Variants in SH3RF3 observed in about 807,000 individuals in gnomAD.
The protein encoded by SH3RF3 is SH3 domain containing ring finger 3.
In SH3RF3, 29 loss-of-function variants were observed where a neutral mutation model predicts 66.3. The observed-to-expected ratio is 0.44, with a 90% CI of 0.33 to 0.60. The LOEUF (loss-of-function observed/expected upper bound fraction) is 0.60, where lower values mean the gene tolerates loss of function less well. SH3RF3 is among the 20% of genes least tolerant of loss of function. The pLI is 0.04. For synonymous variants in SH3RF3, 583 were observed against 532.0 expected, an observed-to-expected ratio of 1.10 and a Z score of -1.32; for missense variants, 1,194 against 1,190.9, an observed-to-expected ratio of 1.00 and a Z score of -0.04.
chr2:109,172,983 G>A (rs565634828), intron 1 of SH3RF3, among the ~76,000 whole-genome samples: 4 of 152,344 alleles, frequency 2.6e-5, no homozygotes, highest in Admixed American at 1.3e-4. Context: ...ATGACCTTGC[G>A]CTTGTCTTCA....
At chr2:109,276,606 A>AT (rs1163863296) in intron 1 of SH3RF3, among the ~76,000 whole-genome samples, 6 of 152,220 alleles carry the variant, frequency 3.9e-5, no homozygotes, top group African/African-American at 1.4e-4. Flanking sequence ...TGGCATGCTT[A>AT]TTATTGTTTT....
At chr2:109,168,368 G>C (rs752694043) in intron 1 of SH3RF3, among the ~76,000 whole-genome samples, 8 of 152,322 alleles carry the variant, frequency 5.3e-5, no homozygotes, top group Non-Finnish European at 1.2e-4. Context: ...CCAGCTATCA[G>C]GAGTGAGATG....
chr2:109,357,339 G>A (rs751651288), intron 2 of SH3RF3, among the ~76,000 whole-genome samples: 2 of 152,004 alleles, frequency 1.3e-5, no homozygotes, highest in Non-Finnish European at 2.9e-5. Flanking sequence ...CCACCACCAT[G>A]CCCGGATAAT....
intron 1 of SH3RF3, among the ~76,000 whole-genome samples, chr2:109,202,524 G>T (rs988979820): frequency 6.6e-6 from 1 of 152,190 alleles, no homozygotes; most frequent in African/African-American, 2.4e-5. Flanking sequence ...GCTGGTGGGT[G>T]GTCAGCATGG....
At position 109,243,607 on chromosome 2, in the gene SH3RF3, A is replaced by G. The variant is rs868482351; in HGVS notation, c.574-104067A>G. Among the ~76,000 whole-genome samples the G allele has an allele frequency of 5.9e-5, 9 of 152,292 alleles. No individual in the cohort carries two copies. The South Asian group carries it at 1.9e-3, about 32-fold the overall frequency. On this transcript the variant is annotated intron_variant, in intron 1 of 9. Transcript: ENST00000309415. ...GACTTTTATATTTGGTGGCTGGGGA[A>G]CATTTTTAAAGAGATGGTGTCTAAA...
chr2:109,147,560 G>C (rs1677128968), intron 1 of SH3RF3, among the ~76,000 whole-genome samples: 1 of 152,186 alleles, frequency 6.6e-6, no homozygotes, highest in Non-Finnish European at 1.5e-5. Flanking sequence ...ACCGTAAATG[G>C]TCCAAAAAGA....
chr2:109,318,547 G>A (rs1321852581), intron 1 of SH3RF3, among the ~76,000 whole-genome samples: 1 of 152,236 alleles, frequency 6.6e-6, no homozygotes, highest in Non-Finnish European at 1.5e-5. Flanking sequence ...ACTGTGGTTT[G>A]TCCTTGCGGG....
chr2:109,236,682 A>G (rs542377159), intron 1 of SH3RF3, among the ~76,000 whole-genome samples: 1 of 152,328 alleles, frequency 6.6e-6, no homozygotes, highest in South Asian at 2.1e-4. Flanking sequence ...GTCAAGGTCG[A>G]AGAAAGGAAA....
intron 8 of SH3RF3, among the ~76,000 whole-genome samples, chr2:109,477,846 G>A (rs1678729018): frequency 6.6e-6 from 1 of 152,248 alleles, no homozygotes; most frequent in African/African-American, 2.4e-5. Flanking sequence ...ACCTCCTAAG[G>A]CTATCACACT....
chr2:109,345,664 CA>C (rs377566505), intron 1 of SH3RF3, among the ~76,000 whole-genome samples: 3 of 152,176 alleles, frequency 2.0e-5, no homozygotes, highest in African/African-American at 7.2e-5. Flanking sequence ...TCCATGTAGC[CA>C]ATAGTGAAAA....
intron 1 of SH3RF3, among the ~76,000 whole-genome samples, chr2:109,205,415 G>GT (rs1391825552): frequency 2.5e-4 from 38 of 151,780 alleles, no homozygotes; most frequent in Admixed American, 2.5e-3. Context: ...TTTTGTTTTT[G>GT]TTTTTTGTAT....
At chr2:109,143,767 C>CA (rs201205812) in intron 1 of SH3RF3, among the ~76,000 whole-genome samples, 93 of 44,140 alleles carry the variant, frequency 2.1e-3, no homozygotes, top group Non-Finnish European at 8.1e-3. Flanking sequence ...CAAAACAAAA[C>CA]AAACAAACAA....
intron 4 of SH3RF3, among the ~76,000 whole-genome samples, chr2:109,407,487 T>C (rs1676479695): frequency 6.6e-6 from 1 of 152,154 alleles, no homozygotes; most frequent in Admixed American, 6.5e-5. Context: ...GACAGACAGA[T>C]GCTTCAAGCA....
At chr2:109,400,109 A>C (rs912007928) in intron 4 of SH3RF3, among the ~76,000 whole-genome samples, 3 of 152,238 alleles carry the variant, frequency 2.0e-5, no homozygotes, top group Admixed American at 2.0e-4. Flanking sequence ...ATGAACTCAG[A>C]CAACTTTACA....
rs767781610 is a variant in SH3RF3, at chr2:109,398,579, T to C, written c.946-11T>C. 2 of 1,542,004 alleles carry C rather than the reference T, an allele frequency of 1.3e-6. No individual in the cohort carries two copies. Among genetic ancestry groups the C allele is most frequent in the East Asian group, 2.4e-5 (1 of 41,042 alleles). The stretch of plus-strand genomic sequence containing the variant: ...TTTAATGCAGCCTCCCCTCTCCCCT[T>C]TCTCACTCAGCTCAATGACTCCGCC... On this transcript the variant is annotated splice_polypyrimidine_tract_variant and intron_variant, in intron 3 of 9. Coordinates refer to ENST00000309415, the MANE Select transcript of SH3RF3 (RefSeq NM_001099289.3).
chr2:109,156,645 C>T (rs946018866), intron 1 of SH3RF3, among the ~76,000 whole-genome samples: 3 of 152,110 alleles, frequency 2.0e-5, no homozygotes, highest in African/African-American at 7.2e-5. Context: ...GGGGTTTCAC[C>T]ATGTTGGCCA....
At chr2:109,188,213 C>T (rs1196195111) in intron 1 of SH3RF3, among the ~76,000 whole-genome samples, 1 of 152,236 alleles carries the variant, frequency 6.6e-6, no homozygotes, top group Non-Finnish European at 1.5e-5. Flanking sequence ...TTTCCTGCTG[C>T]AGCTTTGCCA....
rs368925123 is a variant in SH3RF3 at position 109,136,042 on chromosome 2, T to A, written c.573+5929T>A. ...AGCTGCCTAGAATCAGGCTGCTTGC[T>A]GTGATGGAGCTGAGCAGAATTCTAT... On this transcript the variant is annotated intron_variant, in intron 1 of 9. Transcript: ENST00000309415. Among the ~76,000 whole-genome samples, 22 of 152,342 alleles carry A rather than the reference T, an allele frequency of 1.4e-4. 1 individual carries two copies. In the South Asian group the frequency reaches 2.3e-3, roughly 16 times the overall value.
intron 1 of SH3RF3, among the ~76,000 whole-genome samples, chr2:109,175,159 T>G (rs1328593922): frequency 6.6e-6 from 1 of 152,152 alleles, no homozygotes; most frequent in Admixed American, 6.5e-5. Context: ...CTAGTCCTGG[T>G]CCAGACTAGA....
Sources: gnomAD v4.1 joint callset for allele counts (sites outside exome capture counted in the v4.1 genomes callset) on GRCh38, gnomAD v4.1.1 for gene constraint, MANE v1.5 for transcripts, NCBI Gene and HGNC (gene_info 2026-07-23, HGNC 2026-07-21) for gene names.